Variants in CASQ2 observed in about 807,000 individuals in gnomAD.
The protein encoded by CASQ2 is calsequestrin-2.
CASQ2 carries 49 observed loss-of-function variants against 46.5 expected under a neutral mutation model. That is an observed-to-expected ratio of 1.05 (90% CI 0.84 to 1.34). CASQ2 has a LOEUF of 1.34. Among genes scored for constraint, CASQ2 ranks in the 40% most tolerant of loss-of-function variants. The probability of loss-of-function intolerance (pLI) is 0.00; values close to 1 mark genes in which losing one functional copy is unlikely to be tolerated. For missense variants in CASQ2, 486 were observed against 481.3 expected (o/e 1.01, Z -0.09); for synonymous variants, 174 against 168.5 (o/e 1.03, Z -0.25).
rs1328122344 is a variant in CASQ2 at position 115,744,869 on chromosome 1, A to G, written c.278T>C (p.Met93Thr). 1.2e-6 allele frequency: 2 copies of G among 1,613,882 alleles called. No individual in the cohort carries two copies. The highest frequency in any genetic ancestry group is 2.2e-5 in the East Asian group (1 of 44,874). ...VLEHKAIGFV[M>T]VDAKKEAKLA... ...CTTGGCTTCTTTCTTGGCATCCACC[A>G]TCACAAAGCCTATAGCTTTATGTTC... The change falls in exon 2 of 11, where the codon ATG (methionine) becomes ACG (threonine). Residue 93 changes from methionine (M) to threonine (T), a missense_variant. By Grantham distance (81) the Met-to-Thr change is moderately conservative (BLOSUM62 -1). Coordinates refer to ENST00000261448, the MANE Select transcript of CASQ2 (RefSeq NM_001232.4).
intron 1 of CASQ2, among the ~76,000 whole-genome samples, chr1:115,752,629 T>A (rs1482165435): frequency 1.3e-5 from 2 of 152,146 alleles, no homozygotes; most frequent in African/African-American, 4.8e-5. Context: ...CAGGCTGACC[T>A]GCTTGAACAG....
In CASQ2 at chr1:115,736,204, C is replaced by A. The variant is rs185695383; in HGVS notation, c.532+2020G>T. On this transcript the variant is annotated intron_variant, in intron 4 of 10. Coordinates refer to ENST00000261448, the MANE Select transcript of CASQ2 (RefSeq NM_001232.4). The stretch of plus-strand genomic sequence containing the variant: ...AAATAGAAAAAGCAATGGATATTGT[C>A]CTCCCATTTGTCACTATCCACATAT... Among the ~76,000 whole-genome samples, 446 of 151,660 alleles carry A rather than the reference C, an allele frequency of 2.9e-3. 2 individuals carry two copies. The highest frequency in any genetic ancestry group is 3.4e-3 in the Non-Finnish European group (234 of 67,930).
chr1:115,732,813 C>G, intron 5 of CASQ2, 88 bp downstream of exon 5: 1 of 927,904 alleles, frequency 1.1e-6, no homozygotes, highest in Non-Finnish European at 1.8e-6. Flanking sequence ...GTTAATGTTG[C>G]TAAAAGAAAA....
chr1:115,753,352 G>A (rs1408584583), intron 1 of CASQ2, among the ~76,000 whole-genome samples: 1 of 152,168 alleles, frequency 6.6e-6, no homozygotes, highest in African/African-American at 2.4e-5. Context: ...GGAGAGAAAG[G>A]ATCCTGGTGT....
At chr1:115,718,873 T>C (rs534248859) in intron 7 of CASQ2, among the ~76,000 whole-genome samples, 135 of 152,162 alleles carry the variant, frequency 8.9e-4, no homozygotes, top group Admixed American at 2.0e-3. Flanking sequence ...CTATCACAAA[T>C]GTGATTCTCA....
intron 8 of CASQ2, among the ~76,000 whole-genome samples, chr1:115,710,915 C>T (rs1377326084): frequency 1.3e-5 from 2 of 152,150 alleles, no homozygotes; most frequent in Admixed American, 6.5e-5. Context: ...GGTGATTATC[C>T]TCTTCTGTTT....
rs138847622 is a variant in CASQ2 at position 115,759,029 on chromosome 1, A to G, written c.234+9279T>C. Among the ~76,000 whole-genome samples, 578 of 152,350 alleles carry G rather than the reference A, an allele frequency of 3.8e-3. 2 individuals carry two copies. The highest frequency in any genetic ancestry group is 5.8e-3 in the Non-Finnish European group (397 of 68,036). On this transcript the variant is annotated intron_variant, in intron 1 of 10. Transcript: ENST00000261448. ...TAGAGAAGGTAAAATGAGTGCATGG[A>G]AAGTGTGATTTACATAGGTTGTCAG...
In CASQ2 at chr1:115,701,391, G is replaced by T. The variant is rs758060229; in HGVS notation, c.1050C>A (p.Asp350Glu). 1.2e-6 allele frequency: 2 copies of T among 1,613,684 alleles called. No individual in the cohort carries two copies. Among genetic ancestry groups the T allele is most frequent in the Non-Finnish European group, 1.7e-6 (2 of 1,179,676 alleles). ...CCAGCTCCTCAGCAGTTGGAAGATC[G>T]TCATCATCTGGAATCTCCATCCAGA... ...DSVWMEIPDD[D>E]DLPTAEELED... The change falls in exon 11 of 11, where the codon GAC becomes GAA. Residue 350 changes from aspartate (D) to glutamate (E), a missense_variant. Transcript: ENST00000261448.
rs1408266563 is a variant in CASQ2 at position 115,717,822 on chromosome 1, A to T, written c.838+18T>A. On this transcript the variant is annotated intron_variant, in intron 8 of 10. Transcript: ENST00000261448. Reference sequence around the variant, plus strand: ...GTTCTTGCTAGAGCTGTAAAAGAGCAGGTTGAAGGTTTCCTACCTGGATCA... The same window carrying T: ...GTTCTTGCTAGAGCTGTAAAAGAGCTGGTTGAAGGTTTCCTACCTGGATCA... 1.0e-5 allele frequency: 16 copies of T among 1,574,216 alleles called. No individual in the cohort carries two copies. Among genetic ancestry groups the T allele is most frequent in the Non-Finnish European group, 1.2e-5 (14 of 1,144,120 alleles).
At chr1:115,712,697 A>C (rs1276034188) in intron 8 of CASQ2, among the ~76,000 whole-genome samples, 1 of 152,030 alleles carries the variant, frequency 6.6e-6, no homozygotes, top group East Asian at 1.9e-4. Flanking sequence ...GGCTATTGAA[A>C]ATACAAAACT....
At chr1:115,723,928 T>C (rs1321159199) in intron 7 of CASQ2, among the ~76,000 whole-genome samples, 4 of 152,246 alleles carry the variant, frequency 2.6e-5, no homozygotes, top group Non-Finnish European at 5.9e-5. Flanking sequence ...TCCGCTCCTC[T>C]GGACTGGATT....
At chr1:115,761,470 A>AAGAAGAAGAAGAAGG (rs1557806762) in intron 1 of CASQ2, among the ~76,000 whole-genome samples, 2 of 6,298 alleles carry the variant, frequency 3.2e-4, no homozygotes, top group Admixed American at 1.4e-3. Context: ...GAAGGAGAAG[A>AAGAAGAAGAAGAAGG]AGAAGAAGAA....
chr1:115,704,262 C>T (rs1654297389), intron 9 of CASQ2, among the ~76,000 whole-genome samples: 1 of 152,174 alleles, frequency 6.6e-6, no homozygotes, highest in South Asian at 2.1e-4. Flanking sequence ...CATTCATAAC[C>T]TAATGATAAC....
At chr1:115,720,266 G>T (rs904896268) in intron 7 of CASQ2, among the ~76,000 whole-genome samples, 7 of 152,034 alleles carry the variant, frequency 4.6e-5, no homozygotes, top group African/African-American at 1.7e-4. Flanking sequence ...TTGGTGTCTC[G>T]CGAGGCCTGC....
intron 1 of CASQ2, among the ~76,000 whole-genome samples, 153 bp from the exon 2 acceptor site, chr1:115,745,065 C>T (rs1019542383): frequency 6.6e-6 from 1 of 152,162 alleles, no homozygotes; most frequent in Admixed American, 6.5e-5. Flanking sequence ...GAAATGTATT[C>T]TTGTCCCCTC....
chr1:115,723,712 A>AT (rs1203535155), intron 7 of CASQ2, among the ~76,000 whole-genome samples: 1 of 151,772 alleles, frequency 6.6e-6, no homozygotes, highest in Non-Finnish European at 1.5e-5. Flanking sequence ...TAATTTTTGT[A>AT]TTTTTTGGTA....
intron 8 of CASQ2, among the ~76,000 whole-genome samples, chr1:115,706,774 A>G (rs1402031198): frequency 6.6e-6 from 1 of 152,022 alleles, no homozygotes; most frequent in African/African-American, 2.4e-5. Context: ...GCTCCTCCCT[A>G]TGGCCTCTGT....
intron 1 of CASQ2, among the ~76,000 whole-genome samples, chr1:115,766,373 G>A (rs1649133878): frequency 6.6e-6 from 1 of 152,162 alleles, no homozygotes; most frequent in South Asian, 2.1e-4. Context: ...AATGGAATTG[G>A]TAACTGTACC....
chr1:115,744,705 A>G, intron 2 of CASQ2, 123 bp downstream of exon 2: 2 of 717,440 alleles, frequency 2.8e-6, no homozygotes, highest in Non-Finnish European at 5.1e-6. Context: ...GAAGGTATGC[A>G]GGATCATTTT....
Sources: gnomAD v4.1 joint callset for allele counts (sites outside exome capture counted in the v4.1 genomes callset) on GRCh38, gnomAD v4.1.1 for gene constraint, MANE v1.5 for transcripts, NCBI Gene and HGNC (gene_info 2026-07-23, HGNC 2026-07-21) for gene names.